The following ASPH variants were observed in gnomAD, a reference collection of about 807,000 sequenced individuals.
The protein encoded by ASPH is aspartyl/asparaginyl beta-hydroxylase.
In ASPH, 100 loss-of-function variants were observed where a neutral mutation model predicts 118.4. The ratio of observed to expected loss-of-function variants is 0.84; its 90% CI spans 0.72 to 1.00. The LOEUF (loss-of-function observed/expected upper bound fraction) is 1.00. ASPH is among the 50% of genes least tolerant of loss of function. The pLI, the probability that ASPH is intolerant of heterozygous loss-of-function variation, is 0.00. For missense variants in ASPH, 920 were observed against 919.5 expected (o/e 1.00, Z -0.01); for synonymous variants, 315 against 325.6 (o/e 0.97, Z 0.35).
intron 1 of ASPH, among the ~76,000 whole-genome samples, chr8:61,705,869 G>A (rs113644717): frequency 6.6e-5 from 10 of 152,222 alleles, no homozygotes; most frequent in South Asian, 2.1e-4. Flanking sequence ...AACTTACTTC[G>A]AAAGGCATGA....
chr8:61,596,050 T>C (rs1037742168), intron 14 of ASPH, among the ~76,000 whole-genome samples: 35 of 151,972 alleles, frequency 2.3e-4, no homozygotes, highest in African/African-American at 8.0e-4. Context: ...ATGTGCACTG[T>C]CAGGCAGTGT....
chr8:61,648,043 A>C (rs1808945992), intron 5 of ASPH, among the ~76,000 whole-genome samples: 1 of 152,172 alleles, frequency 6.6e-6, no homozygotes, highest in East Asian at 1.9e-4. Context: ...TGGGGTCCGG[A>C]TGCATGGCTG....
chr8:61,663,163 G>C (rs529889022), intron 3 of ASPH: 1 of 985,240 alleles, frequency 1.0e-6, no homozygotes, highest in Non-Finnish European at 1.2e-6. Flanking sequence ...ATGCCTGGGG[G>C]ACATGTTCTG....
At chr8:61,607,980 T>C (rs1013639793) in intron 14 of ASPH, among the ~76,000 whole-genome samples, 2 of 152,170 alleles carry the variant, frequency 1.3e-5, no homozygotes, top group East Asian at 1.9e-4. Flanking sequence ...GGAAGGAGGA[T>C]GGGGGACTTG....
chr8:61,619,215 C>T (rs554886412), intron 13 of ASPH, among the ~76,000 whole-genome samples, 196 bp from the exon 14 acceptor site: 1 of 152,202 alleles, frequency 6.6e-6, no homozygotes, highest in Non-Finnish European at 1.5e-5. Context: ...GGGCATATTT[C>T]AATTACTTAT....
chr8:61,691,841 T>C lies in ASPH; in HGVS notation c.104-7653A>G, dbSNP rs78576353. 5.1e-3 allele frequency among the ~76,000 whole-genome samples: 780 copies of C among 152,324 alleles called. 10 individuals are homozygous for C. Among genetic ancestry groups the C allele is most frequent in the African/African-American group, 0.018 (740 of 41,566 alleles). On this transcript the variant is annotated intron_variant, in intron 1 of 24. Coordinates refer to ENST00000379454, the MANE Select transcript of ASPH (RefSeq NM_004318.4). ...TATTGATTCAATCGTGACTAGTGCATAAATAACCTTACCCCCAATTTAGAG... is the reference window on the plus strand; with the variant it reads ...TATTGATTCAATCGTGACTAGTGCACAAATAACCTTACCCCCAATTTAGAG...
rs10104459 is a variant in ASPH, at chr8:61,653,727, A to G, written c.323-67T>C. 1.1e-3 allele frequency: 1,661 copies of G among 1,461,090 alleles called. 18 individuals are homozygous for G. In the African/African-American group the frequency reaches 0.02, roughly 17 times the overall value. 90.5% of individuals were successfully genotyped at this position (1,461,090 alleles called of 1,614,324 possible). A position where few individuals can be genotyped will look rare whatever the true frequency, so the allele number is the denominator to read the frequency against. On this transcript the variant is annotated intron_variant, in intron 3 of 24. Transcript: ENST00000379454. The stretch of plus-strand genomic sequence containing the variant: ...GGTTTTCTGTCACATTAAACCAGGA[A>G]AAATAATATTTTCAAACATTTAATT...
At chr8:61,628,506 A>T (rs1854032544) in intron 13 of ASPH, among the ~76,000 whole-genome samples, 2 of 151,956 alleles carry the variant, frequency 1.3e-5, no homozygotes, top group Non-Finnish European at 2.9e-5. Context: ...ACATCCTCTG[A>T]GAAGAGACAC....
chr8:61,511,252 G>C (rs1808713643), intron 24 of ASPH, among the ~76,000 whole-genome samples: 1 of 152,170 alleles, frequency 6.6e-6, no homozygotes, highest in South Asian at 2.1e-4. Context: ...AATTCTATAG[G>C]ATTAAATGAT....
chr8:61,710,460 G>A (rs1284188150), intron 1 of ASPH, among the ~76,000 whole-genome samples: 2 of 152,176 alleles, frequency 1.3e-5, no homozygotes, highest in Non-Finnish European at 2.9e-5. Flanking sequence ...ATCTCTATGA[G>A]ACAGATTATT....
chr8:61,601,268 TG>T (rs1843884381), intron 14 of ASPH, among the ~76,000 whole-genome samples: 1 of 151,252 alleles, frequency 6.6e-6, no homozygotes, highest in Non-Finnish European at 1.5e-5. Context: ...CTAGACTCCC[TG>T]CAACAATAGT....
chr8:61,601,370 G>A lies in ASPH; in HGVS notation c.977-17341C>T, dbSNP rs1032048563. ...AGCCTGGCCAACATCGTGAAACCTC[G>A]TCTCTACTAAAAATACAAAAATTAG... On this transcript the variant is annotated intron_variant, in intron 14 of 24. Transcript: ENST00000379454. Among the ~76,000 whole-genome samples, 4 of 150,892 alleles carry A rather than the reference G, an allele frequency of 2.7e-5. 1 individual carries two copies. Among genetic ancestry groups the A allele is most frequent in the African/African-American group, 5.0e-5 (2 of 40,368 alleles).
At position 61,653,650 on chromosome 8, in the gene ASPH, CTCTT is replaced by C. The variant is rs1432290316; in HGVS notation, c.329_332del (p.Lys110ArgfsTer82). 2 of 1,613,634 alleles carry C rather than the reference CTCTT, an allele frequency of 1.2e-6. No individual in the cohort carries two copies. The highest frequency in any genetic ancestry group is 8.5e-7 in the Non-Finnish European group (1 of 1,179,894). ...GGACTGCTGGCTCTGAAGTAGATCTCTCTTTAAGTCCTGCATTTTTTTATTCACA... is the reference window on the plus strand; with the variant it reads ...GGACTGCTGGCTCTGAAGTAGATCTCTAAGTCCTGCATTTTTTTATTCACA... On this transcript the variant is annotated frameshift_variant, in exon 4 of 25. Coordinates refer to ENST00000379454, the MANE Select transcript of ASPH (RefSeq NM_004318.4). LOFTEE classifies it high-confidence loss of function.
At position 61,562,785 on chromosome 8, in the gene ASPH, A is replaced by G. The variant is rs141321131; in HGVS notation, c.1396T>C (p.Leu466=). Residue 466 remains leucine, a synonymous_variant, in exon 18 of 25, where the codon TTG becomes CTG. Transcript: ENST00000379454. ...TTTGCATTGTCATTATCTCCTATCA[A>G]GAGGTATCCCACGCCAAGGTCATTT... ...LKNDLGVGYL[L]IGDNDNAKKV... 2 of 1,612,148 alleles carry G rather than the reference A, an allele frequency of 1.2e-6. No individual in the cohort carries two copies. The highest frequency in any genetic ancestry group is 1.7e-6 in the Non-Finnish European group (2 of 1,179,298).
chr8:61,603,300 G>C (rs1179240792), intron 14 of ASPH, among the ~76,000 whole-genome samples: 1 of 148,296 alleles, frequency 6.7e-6, no homozygotes, highest in Non-Finnish European at 1.5e-5. Context: ...TTCCCTGATT[G>C]TCTTAAAAAT....
intron 12 of ASPH, among the ~76,000 whole-genome samples, 156 bp downstream of exon 12, chr8:61,637,791 C>A (rs535409763): frequency 2.6e-5 from 4 of 152,206 alleles, no homozygotes; most frequent in Non-Finnish European, 5.9e-5. Flanking sequence ...GGAATGCCAG[C>A]CCCAATGAAA....
At position 61,583,661 on chromosome 8, in the gene ASPH, G is replaced by A. The variant is rs1318104336; in HGVS notation, c.1062+283C>T. 2.7e-5 allele frequency: 8 copies of A among 290,930 alleles called. No homozygotes were observed. In the East Asian group the frequency reaches 6.1e-4, roughly 22 times the overall value. The allele number at this position is 290,930 out of a possible 1,614,324, so 18.0% of individuals were successfully genotyped here. A position where few individuals can be genotyped will look rare whatever the true frequency, so the allele number is the denominator to read the frequency against. ...TGTAAGAAAACTAACGCCCAGAAGA[G>A]CCAAGTGGTTTCCCCAAAGCTGCAT... On this transcript the variant is annotated intron_variant, in intron 15 of 24. Transcript: ENST00000379454.
intron 16 of ASPH, among the ~76,000 whole-genome samples, chr8:61,574,479 A>G (rs1834450071): frequency 6.6e-6 from 1 of 152,262 alleles, no homozygotes; most frequent in Non-Finnish European, 1.5e-5. Flanking sequence ...CTGGATAAAG[A>G]AAATGTGGCA....
Position 61,501,123 on chromosome 8 carries a change from G to A in ASPH, c.*2236C>T, listed in dbSNP as rs1306915272. 6.6e-6 allele frequency: 1 copy of A among 151,866 alleles called. No individual in the cohort carries two copies. Among genetic ancestry groups the A allele is most frequent in the Non-Finnish European group, 1.5e-5 (1 of 67,956 alleles). The allele number at this position is 151,866 out of a possible 1,614,324, so 9.4% of individuals were successfully genotyped here. A position where few individuals can be genotyped will look rare whatever the true frequency, so the allele number is the denominator to read the frequency against. On this transcript the variant is annotated 3_prime_UTR_variant, in exon 25 of 25. Transcript: ENST00000379454. The stretch of plus-strand genomic sequence containing the variant: ...CTAATTCATTTTTGTGTAGACATAC[G>A]AAATCACAAAAATAATAACACTGAA...
Sources: allele counts gnomAD v4.1 joint callset (sites outside exome capture counted in the v4.1 genomes callset), GRCh38; gene constraint gnomAD v4.1.1; transcripts MANE v1.5; gene names NCBI Gene and HGNC (gene_info 2026-07-23, HGNC 2026-07-21).